Variants in CAMK2D observed in about 807,000 individuals in gnomAD.
CAMK2D encodes calcium/calmodulin dependent protein kinase II delta, also known as calcium/calmodulin-dependent protein kinase type II subunit delta.
A neutral mutation model predicts 84.0 loss-of-function variants in CAMK2D; 37 were observed. The observed-to-expected ratio is 0.44, with a 90% CI of 0.34 to 0.58. The LOEUF (loss-of-function observed/expected upper bound fraction) is 0.58, where lower values mean the gene tolerates loss of function less well. Among genes scored for constraint, CAMK2D ranks in the 20% least tolerant of loss-of-function variants. The probability of loss-of-function intolerance (pLI) is 0.02; values close to 1 mark genes in which losing one functional copy is unlikely to be tolerated. For missense variants in CAMK2D, 448 were observed against 652.5 expected (o/e 0.69, Z 3.41); for synonymous variants, 202 against 212.5 (o/e 0.95, Z 0.43).
chr4:113,625,686 G>A (rs1458215668), intron 3 of CAMK2D, among the ~76,000 whole-genome samples: 3 of 152,132 alleles, frequency 2.0e-5, no homozygotes, highest in Admixed American at 6.5e-5. Flanking sequence ...GTGAGTATGA[G>A]GGGTTATACA....
In CAMK2D at chr4:113,579,807, A is replaced by G. The variant is rs547846351; in HGVS notation, c.276-27711T>C. On this transcript the variant is annotated intron_variant, in intron 4 of 20. Coordinates refer to ENST00000511664, the MANE Select transcript of CAMK2D (RefSeq NM_001321571.2). ...CCCAGCATGCTTGAAAGAGCCTGAC[A>G]TTTTAAAACAGAGAACTTTATTAAA... Among the ~76,000 whole-genome samples, 458 of 152,348 alleles carry G rather than the reference A, an allele frequency of 3.0e-3. 3 individuals carry two copies. The highest frequency in any genetic ancestry group is 5.0e-3 in the Non-Finnish European group (340 of 68,026).
intron 3 of CAMK2D, among the ~76,000 whole-genome samples, chr4:113,633,457 A>G (rs1592240705): frequency 6.6e-6 from 1 of 152,366 alleles, no homozygotes; most frequent in African/African-American, 2.4e-5. Context: ...CACCAAGTCC[A>G]ATACCAGCAG....
chr4:113,651,804 C>T (rs764224074), intron 3 of CAMK2D, among the ~76,000 whole-genome samples: 3 of 151,946 alleles, frequency 2.0e-5, no homozygotes, highest in Non-Finnish European at 2.9e-5. Context: ...TCTTGTACAG[C>T]GATAATAATT....
At chr4:113,631,241 G>C (rs1361511516) in intron 3 of CAMK2D, among the ~76,000 whole-genome samples, 1 of 152,122 alleles carries the variant, frequency 6.6e-6, no homozygotes, top group Non-Finnish European at 1.5e-5. Context: ...GACTGAATAT[G>C]GTGGCTCATG....
intron 5 of CAMK2D, 47 bp from the exon 6 acceptor site, chr4:113,547,763 C>G: frequency 7.9e-7 from 1 of 1,263,606 alleles, no homozygotes; most frequent in Non-Finnish European, 1.1e-6. Flanking sequence ...AGCTTACACT[C>G]ACTGTCTGTA....
intron 3 of CAMK2D, among the ~76,000 whole-genome samples, chr4:113,649,319 CTTTA>C (rs2099163794): frequency 6.6e-6 from 1 of 152,144 alleles, no homozygotes; most frequent in Non-Finnish European, 1.5e-5. Context: ...TTAATTAATT[CTTTA>C]TTTTCTCCAG....
intron 16 of CAMK2D, among the ~76,000 whole-genome samples, chr4:113,490,408 C>T (rs1216372173): frequency 1.8e-5 from 2 of 113,944 alleles, no homozygotes; most frequent in Non-Finnish European, 3.5e-5. Context: ...GAATCCTTTC[C>T]CCATTGCTTG....
chr4:113,555,599 T>C (rs2098659113), intron 4 of CAMK2D, among the ~76,000 whole-genome samples: 2 of 152,192 alleles, frequency 1.3e-5, no homozygotes, highest in African/African-American at 4.8e-5. Flanking sequence ...CCTGCTGCCT[T>C]GCATTTAAGC....
At chr4:113,563,707 A>C (rs2098709290) in intron 4 of CAMK2D, among the ~76,000 whole-genome samples, 1 of 152,242 alleles carries the variant, frequency 6.6e-6, no homozygotes, top group Admixed American at 6.5e-5. Flanking sequence ...TGATGACAGA[A>C]TACAATTATT....
At chr4:113,756,755 C>T (rs949395190) in intron 2 of CAMK2D, among the ~76,000 whole-genome samples, 9 of 152,016 alleles carry the variant, frequency 5.9e-5, no homozygotes, top group African/African-American at 2.2e-4. Context: ...CTGTACTGAG[C>T]CCCTTCTATG....
chr4:113,515,092 C>A lies in CAMK2D; in HGVS notation c.796G>T (p.Ala266Ser). Residue 266 changes from alanine to serine, a missense_variant, in exon 10 of 21, where the codon GCA becomes TCA. Coordinates refer to ENST00000511664, the MANE Select transcript of CAMK2D (RefSeq NM_001321571.2). ...ACACAGATCCATGGGTGCTTCAGTG[C>A]CTCTGAGGCTGTGATGCGTTTGGCA... Reference protein sequence around the residue: ...NPAKRITASEALKHPWICQRS... With the variant: ...NPAKRITASESLKHPWICQRS... 1 of 1,613,256 alleles carries A rather than the reference C, an allele frequency of 6.2e-7. No individual in the cohort carries two copies. Among genetic ancestry groups the A allele is most frequent in the Non-Finnish European group, 8.5e-7 (1 of 1,179,416 alleles).
intron 3 of CAMK2D, among the ~76,000 whole-genome samples, chr4:113,634,779 A>C (rs1308689864): frequency 1.3e-5 from 2 of 152,226 alleles, no homozygotes; most frequent in African/African-American, 2.4e-5. Context: ...CATGAAACAA[A>C]ACCTCATGGA....
chr4:113,528,943 C>CT (rs1216580704), intron 8 of CAMK2D, among the ~76,000 whole-genome samples: 1 of 152,130 alleles, frequency 6.6e-6, no homozygotes, highest in Non-Finnish European at 1.5e-5. Flanking sequence ...AGAGTTCATG[C>CT]TTAGAAGATA....
chr4:113,490,022 A>T (rs1227165734), intron 16 of CAMK2D, among the ~76,000 whole-genome samples: 1 of 151,756 alleles, frequency 6.6e-6, no homozygotes, highest in African/African-American at 2.4e-5. Context: ...GTTTGAGTTC[A>T]TTGTAGATTC....
At chr4:113,539,353 CAA>C (rs1026648269) in intron 6 of CAMK2D, among the ~76,000 whole-genome samples, 4 of 152,056 alleles carry the variant, frequency 2.6e-5, no homozygotes, top group African/African-American at 9.7e-5. Flanking sequence ...CAGACTCATT[CAA>C]AAAAAGAGTT....
In CAMK2D at chr4:113,693,833, C is replaced by T. The variant is rs114468626; in HGVS notation, c.161-32061G>A. 8.0e-3 allele frequency among the ~76,000 whole-genome samples: 1,213 copies of T among 152,072 alleles called. 6 individuals carry two copies. The highest frequency in any genetic ancestry group is 0.028 in the African/African-American group (1,142 of 41,502). Reference sequence around the variant, plus strand: ...AAGGTAATTTTTTTTTACTTTTTTACACTATCTAAATAATATTTTCTAATT... The same window carrying T: ...AAGGTAATTTTTTTTTACTTTTTTATACTATCTAAATAATATTTTCTAATT... On this transcript the variant is annotated intron_variant, in intron 2 of 20. Transcript: ENST00000511664.
At chr4:113,655,879 T>C (rs569853298) in intron 3 of CAMK2D, among the ~76,000 whole-genome samples, 2 of 152,274 alleles carry the variant, frequency 1.3e-5, no homozygotes, top group South Asian at 4.1e-4. Flanking sequence ...TACCATTGTT[T>C]GTTATCTGAG....
chr4:113,479,689 T>G (rs962530332), intron 16 of CAMK2D, among the ~76,000 whole-genome samples: 2 of 152,244 alleles, frequency 1.3e-5, no homozygotes, highest in Admixed American at 1.3e-4. Context: ...TGGGTATTTA[T>G]GCACATAGGT....
chr4:113,600,557 T>A (rs533368821), intron 4 of CAMK2D, among the ~76,000 whole-genome samples: 9 of 152,286 alleles, frequency 5.9e-5, no homozygotes, highest in Middle Eastern at 3.4e-3. Context: ...TTCATGAAGA[T>A]GAATTATAAT....
Sources: allele counts gnomAD v4.1 joint callset (sites outside exome capture counted in the v4.1 genomes callset), GRCh38; gene constraint gnomAD v4.1.1; transcripts MANE v1.5; gene names NCBI Gene and HGNC (gene_info 2026-07-23, HGNC 2026-07-21).